The following SLC35D4 variants were observed in gnomAD, a reference collection of about 807,000 sequenced individuals.
SLC35D4 encodes UDP-N-acetylglucosamine transporter SLC35D4.
the SLC35D4 span, among the ~76,000 whole-genome samples, chr18:23,392,182 C>T: frequency 2.6e-5 from 4 of 152,108 alleles, no homozygotes. Flanking sequence ...AGGTGATCCA[C>T]CTGCCTTGGC....
At chr18:23,340,688 C>G in the SLC35D4 span, among the ~76,000 whole-genome samples, 1 of 152,190 alleles carries the variant, frequency 6.6e-6, no homozygotes, top group African/African-American at 2.4e-5. Context: ...CTGTCATTGT[C>G]TTCGGGACAT....
At chr18:23,422,737 C>T in the SLC35D4 span, among the ~76,000 whole-genome samples, 2 of 152,160 alleles carry the variant, frequency 1.3e-5, no homozygotes, top group Admixed American at 6.6e-5. Flanking sequence ...ACAACACATT[C>T]GGGGTCATGA....
chr18:23,425,960 G>A, the SLC35D4 span, among the ~76,000 whole-genome samples: 2 of 151,722 alleles, frequency 1.3e-5, no homozygotes, highest in African/African-American at 2.4e-5. Flanking sequence ...AAATACAGGT[G>A]AATATCTAAA....
chr18:23,242,625 C>A, the SLC35D4 span, among the ~76,000 whole-genome samples: 1 of 152,142 alleles, frequency 6.6e-6, no homozygotes, highest in African/African-American at 2.4e-5. Flanking sequence ...CAACAAAATT[C>A]AGTTACCTGA....
the SLC35D4 span, among the ~76,000 whole-genome samples, chr18:23,407,864 A>C: frequency 6.6e-6 from 1 of 152,236 alleles, no homozygotes; most frequent in Non-Finnish European, 1.5e-5. Flanking sequence ...TTTGAGCCAG[A>C]AAATTCACTT....
chr18:23,270,439 G>A, the SLC35D4 span, among the ~76,000 whole-genome samples: 11 of 152,338 alleles, frequency 7.2e-5, no homozygotes, highest in African/African-American at 2.4e-4. Context: ...GGGAAATGTG[G>A]GGTTGGAGCC....
the SLC35D4 span, among the ~76,000 whole-genome samples, chr18:23,256,421 CA>C: frequency 6.6e-6 from 1 of 152,226 alleles, no homozygotes; most frequent in Non-Finnish European, 1.5e-5. Context: ...TACATAGAAT[CA>C]GTGCACTCCC....
At chr18:23,337,414 G>A in the SLC35D4 span, among the ~76,000 whole-genome samples, 1 of 151,576 alleles carries the variant, frequency 6.6e-6, no homozygotes, top group East Asian at 1.9e-4. Flanking sequence ...GGCGGAACTT[G>A]CAGTGAGCTG....
At chr18:23,353,968 C>G in the SLC35D4 span, among the ~76,000 whole-genome samples, 5 of 152,178 alleles carry the variant, frequency 3.3e-5, no homozygotes, top group Admixed American at 6.5e-5. Context: ...AACAATGAAA[C>G]TGGGGCACAG....
At chr18:23,271,984 G>A in the SLC35D4 span, among the ~76,000 whole-genome samples, 10 of 152,216 alleles carry the variant, frequency 6.6e-5, no homozygotes, top group East Asian at 5.8e-4. Context: ...ATCCTTTGCC[G>A]TATCCCCTAT....
chr18:23,411,496 AGAAAGAAAGAAAG>A, the SLC35D4 span, among the ~76,000 whole-genome samples: 2 of 131,134 alleles, frequency 1.5e-5, no homozygotes, highest in Non-Finnish European at 3.3e-5. Flanking sequence ...AAAGAAAGAA[AGAAAGAAAGAAAG>A]AAAGAAAGAA....
chr18:23,248,302 G>A, the SLC35D4 span, among the ~76,000 whole-genome samples: 1 of 152,188 alleles, frequency 6.6e-6, no homozygotes, highest in African/African-American at 2.4e-5. Flanking sequence ...TTCAGTTTCA[G>A]TAGTGGTAAA....
the SLC35D4 span, among the ~76,000 whole-genome samples, chr18:23,371,928 T>TTTTTTTG: frequency 1.8e-4 from 3 of 16,924 alleles, no homozygotes; most frequent in African/African-American, 3.8e-4. Flanking sequence ...TCTTCCTTGT[T>TTTTTTTG]TTTTTTGTTT....
the SLC35D4 span, among the ~76,000 whole-genome samples, chr18:23,362,674 G>A: frequency 6.6e-6 from 1 of 152,130 alleles, no homozygotes; most frequent in African/African-American, 2.4e-5. Flanking sequence ...AAGAGCAGCA[G>A]CATTTAAAAA....
At chr18:23,414,298 G>GAAGGAAGGAAGA in the SLC35D4 span, among the ~76,000 whole-genome samples, 1 of 131,016 alleles carries the variant, frequency 7.6e-6, no homozygotes, top group Non-Finnish European at 1.7e-5. Flanking sequence ...AGGAAAGGAG[G>GAAGGAAGGAAGA]AAGGAAGGAA....
the SLC35D4 span, among the ~76,000 whole-genome samples, chr18:23,312,193 C>T: frequency 6.6e-6 from 1 of 152,284 alleles, no homozygotes; most frequent in Non-Finnish European, 1.5e-5. Context: ...ACTGCCCTGT[C>T]CCCCACCATA....
chr18:23,397,427 T>C, the SLC35D4 span, among the ~76,000 whole-genome samples: 4 of 152,196 alleles, frequency 2.6e-5, no homozygotes, highest in African/African-American at 9.7e-5. Flanking sequence ...TGGGGGCAGC[T>C]GTACAACACT....
the SLC35D4 span, among the ~76,000 whole-genome samples, chr18:23,388,418 A>G: frequency 6.6e-6 from 1 of 152,216 alleles, no homozygotes; most frequent in African/African-American, 2.4e-5. Flanking sequence ...AATGGGGCTG[A>G]GAAAGACTGG....
chr18:23,433,164 G>A, the SLC35D4 span, among the ~76,000 whole-genome samples: 10 of 151,638 alleles, frequency 6.6e-5, no homozygotes, highest in East Asian at 2.0e-3. Flanking sequence ...AGTTCAAGTG[G>A]TGTTCCTGCC....
Sources: gnomAD v4.1 joint callset for allele counts (sites outside exome capture counted in the v4.1 genomes callset) on GRCh38, gnomAD v4.1.1 for gene constraint, MANE v1.5 for transcripts, NCBI Gene and HGNC (gene_info 2026-07-23, HGNC 2026-07-21) for gene names.